Variants in EPC2 observed in about 807,000 individuals in gnomAD.
The protein encoded by EPC2 is enhancer of polycomb 2.
EPC2 carries 14 observed loss-of-function variants against 92.1 expected under a neutral mutation model. That is an observed-to-expected ratio of 0.15 (90% confidence interval 0.10 to 0.24). EPC2 has a LOEUF of 0.24. EPC2 is among the 10% of genes least tolerant of loss of function. EPC2 has a pLI of 1.00. For missense variants in EPC2, 755 were observed against 971.5 expected, an observed-to-expected ratio of 0.78 and a Z score of 2.96; for synonymous variants, 340 against 334.7, an observed-to-expected ratio of 1.02 and a Z score of -0.17.
intron 1 of EPC2, among the ~76,000 whole-genome samples, chr2:148,686,101 C>T (rs1681517040): frequency 2.0e-5 from 3 of 152,234 alleles, no homozygotes; most frequent in Admixed American, 2.0e-4. Flanking sequence ...TGTTTGATAA[C>T]ATTTTACTCA....
intron 3 of EPC2, among the ~76,000 whole-genome samples, chr2:148,747,209 T>G (rs1683001918): frequency 6.6e-6 from 1 of 151,990 alleles, no homozygotes; most frequent in African/African-American, 2.4e-5. Context: ...TTATCACACA[T>G]TCCCATAGAA....
chr2:148,781,551 C>G, intron 10 of EPC2, 93 bp from the exon 11 acceptor site: 1 of 1,184,256 alleles, frequency 8.4e-7, no homozygotes, highest in Non-Finnish European at 1.2e-6. Context: ...TTGCTTTCAT[C>G]TTAATTGTGG....
intron 1 of EPC2, among the ~76,000 whole-genome samples, chr2:148,673,260 A>C (rs1347251732): frequency 6.6e-6 from 1 of 152,042 alleles, no homozygotes; most frequent in Non-Finnish European, 1.5e-5. Flanking sequence ...TTTTGCCATT[A>C]TTTCTTCAAA....
chr2:148,656,018 TGTGTGTGGGG>T (rs1055396814), intron 1 of EPC2, among the ~76,000 whole-genome samples: 2 of 84,994 alleles, frequency 2.4e-5, no homozygotes, highest in African/African-American at 1.1e-4. Flanking sequence ...TGTGTGTGTG[TGTGTGTGGGG>T]GGGGGGGGGG....
chr2:148,763,936 T>C (rs1683354772), intron 6 of EPC2, among the ~76,000 whole-genome samples: 1 of 152,220 alleles, frequency 6.6e-6, no homozygotes, highest in Non-Finnish European at 1.5e-5. Flanking sequence ...TATGAATAAA[T>C]ACTCAGCCTT....
chr2:148,673,171 TG>T (rs1681191327), intron 1 of EPC2, among the ~76,000 whole-genome samples: 1 of 152,206 alleles, frequency 6.6e-6, no homozygotes, highest in Non-Finnish European at 1.5e-5. Context: ...TCAGTGTGTG[TG>T]TTGTTGGGCT....
At position 148,690,259 on chromosome 2, in the gene EPC2, GA is replaced by G; in HGVS notation, c.207del (p.Glu70ArgfsTer39). On this transcript the variant is annotated frameshift_variant, in exon 2 of 14. Transcript: ENST00000258484. LOFTEE classifies it high-confidence loss of function. Reference sequence around the variant, plus strand: ...AATTTCAGCACAGCAAGTGTTTAGAGAAAAAAAAGAGAGTATGGTCATTCCT... The same window carrying G: ...AATTTCAGCACAGCAAGTGTTTAGAGAAAAAAAGAGAGTATGGTCATTCCT... ...RAISAQQVFR[E>X]KKESMVIPVP... 3.1e-6 allele frequency: 5 copies of G among 1,607,598 alleles called. No individual in the cohort carries two copies. The highest frequency in any genetic ancestry group is 3.4e-5 in the Admixed American group (2 of 58,374).
chr2:148,728,422 G>A (rs759586950), intron 2 of EPC2, among the ~76,000 whole-genome samples: 1 of 150,960 alleles, frequency 6.6e-6, no homozygotes, highest in Non-Finnish European at 1.5e-5. Flanking sequence ...GTTTGGGTGT[G>A]CTCGTTTATT....
chr2:148,786,948 G>C lies in EPC2; in HGVS notation c.*571G>C, dbSNP rs1297317617. On this transcript the variant is annotated 3_prime_UTR_variant, in exon 14 of 14. Coordinates refer to ENST00000258484, the MANE Select transcript of EPC2 (RefSeq NM_015630.4). ...CAAATATGAAGTTCAAGGCAAAATAGTATTTTCTATTACTGTGCAGGGGAA... is the reference window on the plus strand; with the variant it reads ...CAAATATGAAGTTCAAGGCAAAATACTATTTTCTATTACTGTGCAGGGGAA... 6.5e-6 allele frequency: 1 copy of C among 152,720 alleles called. No homozygotes were observed. Among genetic ancestry groups the C allele is most frequent in the Non-Finnish European group, 1.5e-5 (1 of 68,166 alleles). The allele number at this position is 152,720 out of a possible 1,614,324, so 9.5% of individuals were successfully genotyped here. A position where few individuals can be genotyped will look rare whatever the true frequency, so the allele number is the denominator to read the frequency against.
At chr2:148,717,913 A>C (rs570580653) in intron 2 of EPC2, among the ~76,000 whole-genome samples, 11 of 152,306 alleles carry the variant, frequency 7.2e-5, no homozygotes, top group Middle Eastern at 3.4e-3. Flanking sequence ...AACTTGCTTT[A>C]TGAATCTGGG....
At chr2:148,702,018 A>G (rs971077808) in intron 2 of EPC2, among the ~76,000 whole-genome samples, 9 of 151,820 alleles carry the variant, frequency 5.9e-5, no homozygotes, top group Non-Finnish European at 8.8e-5. Context: ...ATCATAATAT[A>G]CTTTTATTAT....
At chr2:148,712,737 G>A (rs1270146216) in intron 2 of EPC2, among the ~76,000 whole-genome samples, 1 of 151,236 alleles carries the variant, frequency 6.6e-6, no homozygotes, top group Non-Finnish European at 1.5e-5. Flanking sequence ...GAAAACAATA[G>A]CCAGGTGTGG....
chr2:148,725,423 T>C (rs1020684933), intron 2 of EPC2, among the ~76,000 whole-genome samples: 5 of 152,078 alleles, frequency 3.3e-5, no homozygotes, highest in African/African-American at 1.2e-4. Flanking sequence ...TCAGAACCCT[T>C]TTAGAGTAAG....
At chr2:148,747,006 C>G (rs1682997254) in intron 3 of EPC2, among the ~76,000 whole-genome samples, 1 of 152,058 alleles carries the variant, frequency 6.6e-6, no homozygotes. Flanking sequence ...TCTTAAATGG[C>G]ATTCTCTTTC....
At chr2:148,782,380 T>C (rs1275309680) in intron 11 of EPC2, among the ~76,000 whole-genome samples, 4 of 151,900 alleles carry the variant, frequency 2.6e-5, no homozygotes, top group African/African-American at 9.7e-5. Context: ...CTACTAAAAA[T>C]ACAAAAACTA....
intron 1 of EPC2, among the ~76,000 whole-genome samples, chr2:148,673,903 T>C (rs914663109): frequency 2.0e-5 from 3 of 152,226 alleles, no homozygotes; most frequent in Non-Finnish European, 4.4e-5. Context: ...TTTATTTACT[T>C]GTCTATCATT....
chr2:148,770,694 T>TA (rs1320253375), intron 8 of EPC2, 98 bp from the exon 9 acceptor site: 45 of 1,243,588 alleles, frequency 3.6e-5, no homozygotes, highest in Non-Finnish European at 4.8e-5. Context: ...ATTGTTCTGC[T>TA]AATGTTGCAG....
chr2:148,696,598 G>A (rs1681749929), intron 2 of EPC2, among the ~76,000 whole-genome samples: 1 of 151,958 alleles, frequency 6.6e-6, no homozygotes, highest in Admixed American at 6.5e-5. Context: ...AGCAGTATTG[G>A]TCATAAAGGG....
intron 2 of EPC2, among the ~76,000 whole-genome samples, chr2:148,737,568 C>T (rs1319632985): frequency 6.6e-6 from 1 of 152,056 alleles, no homozygotes; most frequent in Non-Finnish European, 1.5e-5. Context: ...TTGCCCTCAG[C>T]GTGCCTAGTG....
Sources: gnomAD v4.1 joint callset for allele counts (sites outside exome capture counted in the v4.1 genomes callset) on GRCh38, gnomAD v4.1.1 for gene constraint, MANE v1.5 for transcripts, NCBI Gene and HGNC (gene_info 2026-07-23, HGNC 2026-07-21) for gene names.